The following FNDC3B variants were observed in gnomAD, a reference collection of about 807,000 sequenced individuals.
FNDC3B encodes fibronectin type III domain containing 3B, also known as fibronectin type III domain-containing protein 3B.
FNDC3B carries 12 observed loss-of-function variants against 151.5 expected under a neutral mutation model. The observed-to-expected ratio is 0.08, with a 90% CI of 0.05 to 0.13. The LOEUF (loss-of-function observed/expected upper bound fraction) is 0.13, where lower values mean the gene tolerates loss of function less well. Among genes scored for constraint, FNDC3B ranks in the 10% least tolerant of loss-of-function variants. The probability of loss-of-function intolerance (pLI) is 1.00; values close to 1 mark genes in which losing one functional copy is unlikely to be tolerated. For synonymous variants in FNDC3B, 528 were observed against 549.0 expected, an observed-to-expected ratio of 0.96 and a Z score of 0.54; for missense variants, 1,214 against 1,505.3, an observed-to-expected ratio of 0.81 and a Z score of 3.20.
chr3:172,204,178 G>A (rs1221262655), intron 3 of FNDC3B, among the ~76,000 whole-genome samples: 3 of 152,172 alleles, frequency 2.0e-5, no homozygotes, highest in Non-Finnish European at 4.4e-5. Context: ...GACTCAAAGC[G>A]AGGGAGAGAG....
chr3:172,380,885 T>C, intron 24 of FNDC3B, 81 bp from the exon 25 acceptor site: 1 of 1,488,994 alleles, frequency 6.7e-7, no homozygotes, highest in Non-Finnish European at 9.3e-7. Context: ...TCTCTCTGGG[T>C]TCTCACTAAT....
At chr3:172,331,863 G>A (rs13096805) in intron 13 of FNDC3B, among the ~76,000 whole-genome samples, 59,272 of 151,976 alleles carry the variant, frequency 0.39, 12,124 homozygotes, top group East Asian at 0.7. Context: ...ACTTTCTGCA[G>A]TGATGGAAAT....
chr3:172,136,746 GTC>G (rs1415862757), intron 3 of FNDC3B, among the ~76,000 whole-genome samples: 3 of 152,146 alleles, frequency 2.0e-5, no homozygotes, highest in Non-Finnish European at 4.4e-5. Flanking sequence ...TTGAGATGGA[GTC>G]TCACTCTGTC....
intron 25 of FNDC3B, among the ~76,000 whole-genome samples, chr3:172,390,401 T>C (rs1735947542): frequency 6.6e-6 from 1 of 152,222 alleles, no homozygotes; most frequent in Non-Finnish European, 1.5e-5. Flanking sequence ...AGGATTCCTT[T>C]ATTTTTAAAA....
intron 1 of FNDC3B, among the ~76,000 whole-genome samples, chr3:172,110,873 C>T (rs569080549): frequency 1.3e-5 from 2 of 152,194 alleles, no homozygotes; most frequent in South Asian, 4.1e-4. Context: ...GTAGGTGGAT[C>T]ACCTGAGGTC....
At chr3:172,366,389 G>GCGCTA in intron 23 of FNDC3B, among the ~76,000 whole-genome samples, 1 of 152,052 alleles carries the variant, frequency 6.6e-6, no homozygotes, top group East Asian at 1.9e-4. Flanking sequence ...TAAGCATTGA[G>GCGCTA]AGCTTTGTCT....
chr3:172,390,951 T>C (rs1186131574), intron 25 of FNDC3B, among the ~76,000 whole-genome samples: 1 of 152,120 alleles, frequency 6.6e-6, no homozygotes, highest in Non-Finnish European at 1.5e-5. Flanking sequence ...AGCAGCGAGC[T>C]ATGGGAAGAC....
At chr3:172,355,031 T>C (rs1734027931) in intron 22 of FNDC3B, among the ~76,000 whole-genome samples, 1 of 152,170 alleles carries the variant, frequency 6.6e-6, no homozygotes, top group Non-Finnish European at 1.5e-5. Flanking sequence ...GGTGCTATTA[T>C]AGCAAACTAC....
chr3:172,193,318 C>T (rs1168431787), intron 3 of FNDC3B, among the ~76,000 whole-genome samples: 1 of 30,650 alleles, frequency 3.3e-5, no homozygotes, highest in Non-Finnish European at 7.5e-5. Context: ...CCCCTCCCCT[C>T]CCCTCCCCTC....
At chr3:172,217,072 G>A (rs544820412) in intron 3 of FNDC3B, among the ~76,000 whole-genome samples, 3 of 67,706 alleles carry the variant, frequency 4.4e-5, no homozygotes, top group Non-Finnish European at 7.2e-5. Flanking sequence ...TACTCATTCC[G>A]CATGCCATTC....
chr3:172,350,100 A>C (rs1733791578), intron 21 of FNDC3B, among the ~76,000 whole-genome samples: 1 of 152,204 alleles, frequency 6.6e-6, no homozygotes, highest in Non-Finnish European at 1.5e-5. Context: ...TACACAATAA[A>C]AAGGTGTTTG....
intron 1 of FNDC3B, among the ~76,000 whole-genome samples, chr3:172,102,979 C>G (rs1719446796): frequency 6.6e-6 from 1 of 152,148 alleles, no homozygotes; most frequent in Non-Finnish European, 1.5e-5. Flanking sequence ...AATAAGGGCT[C>G]ATAGCTTTGG....
At chr3:172,117,792 T>C (rs1720338409) in intron 2 of FNDC3B, among the ~76,000 whole-genome samples, 1 of 152,380 alleles carries the variant, frequency 6.6e-6, no homozygotes, top group Admixed American at 6.5e-5. Flanking sequence ...AAATGATTTG[T>C]CATACTATTC....
chr3:172,304,601 A>G (rs1731097581), intron 9 of FNDC3B, among the ~76,000 whole-genome samples: 1 of 152,236 alleles, frequency 6.6e-6, no homozygotes, highest in South Asian at 2.1e-4. Flanking sequence ...AGGGCAGGAA[A>G]GAGGGCCGAG....
intron 3 of FNDC3B, among the ~76,000 whole-genome samples, chr3:172,145,932 G>A (rs1721888595): frequency 6.6e-6 from 1 of 150,772 alleles, no homozygotes; most frequent in South Asian, 2.1e-4. Flanking sequence ...TCCTGCCTCA[G>A]CCTCCTGAGT....
chr3:172,385,169 CAT>C (rs1203364565), intron 25 of FNDC3B, among the ~76,000 whole-genome samples: 2 of 151,828 alleles, frequency 1.3e-5, no homozygotes, highest in African/African-American at 4.8e-5. Context: ...GGGAATGAAA[CAT>C]ATTTATGTGT....
intron 23 of FNDC3B, among the ~76,000 whole-genome samples, chr3:172,377,275 G>A (rs185403547): frequency 5.3e-5 from 8 of 152,324 alleles, no homozygotes; most frequent in East Asian, 1.9e-4. Flanking sequence ...GGAACAAGGC[G>A]TTGTGGTTGG....
intron 6 of FNDC3B, among the ~76,000 whole-genome samples, chr3:172,267,888 G>A (rs1560048336): frequency 2.0e-5 from 3 of 152,158 alleles, no homozygotes; most frequent in Admixed American, 1.3e-4. Context: ...ATTGATTAGA[G>A]GTGTCTTTTC....
At chr3:172,387,157 A>C (rs552891049) in intron 25 of FNDC3B, among the ~76,000 whole-genome samples, 1 of 152,022 alleles carries the variant, frequency 6.6e-6, no homozygotes, top group Non-Finnish European at 1.5e-5. Flanking sequence ...GGATTTCACC[A>C]TGTTGTCCAG....
Sources: gnomAD v4.1 joint callset for allele counts (sites outside exome capture counted in the v4.1 genomes callset) on GRCh38, gnomAD v4.1.1 for gene constraint, MANE v1.5 for transcripts, NCBI Gene and HGNC (gene_info 2026-07-23, HGNC 2026-07-21) for gene names.